Variants in IL23R observed in about 807,000 individuals in gnomAD.
IL23R encodes the protein interleukin-23 receptor.
In IL23R, 34 loss-of-function variants were observed where a neutral mutation model predicts 56.9. The ratio of observed to expected loss-of-function variants is 0.60; its 90% CI spans 0.45 to 0.80. The LOEUF (loss-of-function observed/expected upper bound fraction) is 0.80, where lower values mean the gene tolerates loss of function less well. Among genes scored for constraint, IL23R ranks in the 30% least tolerant of loss-of-function variants. The pLI is 0.00. For synonymous variants in IL23R, 230 were observed against 249.2 expected, an observed-to-expected ratio of 0.92 and a Z score of 0.73; for missense variants, 635 against 730.0, an observed-to-expected ratio of 0.87 and a Z score of 1.50.
intron 7 of IL23R, among the ~76,000 whole-genome samples, chr1:67,229,944 A>C (rs1262905929): frequency 6.6e-6 from 1 of 152,210 alleles, no homozygotes; most frequent in Non-Finnish European, 1.5e-5. Flanking sequence ...AAGCAGAAAG[A>C]GAATTATTAG....
chr1:67,206,098 T>C (rs1283587345), intron 5 of IL23R, among the ~76,000 whole-genome samples: 1 of 151,772 alleles, frequency 6.6e-6, no homozygotes, highest in Non-Finnish European at 1.5e-5. Flanking sequence ...CTGTAACCTC[T>C]GCCTCCCGGG....
At chr1:67,146,906 C>G (rs1646684495) in intron 1 of IL23R, among the ~76,000 whole-genome samples, 1 of 152,172 alleles carries the variant, frequency 6.6e-6, no homozygotes, top group African/African-American at 2.4e-5. Flanking sequence ...GGTTGGACTG[C>G]TGGTTATAGA....
chr1:67,176,201 G>A (rs1206022326), intron 3 of IL23R, among the ~76,000 whole-genome samples: 1 of 152,086 alleles, frequency 6.6e-6, no homozygotes, highest in African/African-American at 2.4e-5. Context: ...AAGAATAATA[G>A]GCTCTTTAAA....
At chr1:67,158,823 G>C (rs1646792402) in intron 1 of IL23R, among the ~76,000 whole-genome samples, 1 of 151,648 alleles carries the variant, frequency 6.6e-6, no homozygotes, top group Non-Finnish European at 1.5e-5. Context: ...TTGGATCATG[G>C]GGGCAGATTT....
intron 5 of IL23R, among the ~76,000 whole-genome samples, chr1:67,201,462 T>G (rs1362338989): frequency 2.0e-5 from 3 of 151,580 alleles, no homozygotes; most frequent in Non-Finnish European, 4.4e-5. Context: ...ATTGGAAACT[T>G]CTTATTTTCA....
intron 6 of IL23R, among the ~76,000 whole-genome samples, chr1:67,213,062 T>A (rs970831353): frequency 2.6e-5 from 4 of 151,842 alleles, no homozygotes; most frequent in Admixed American, 1.3e-4. Context: ...TTAGTAGAGA[T>A]GGGGTTTCAC....
At chr1:67,223,772 G>A (rs188949414) in intron 7 of IL23R, among the ~76,000 whole-genome samples, 154 of 151,984 alleles carry the variant, frequency 1.0e-3, no homozygotes, top group Non-Finnish European at 1.5e-3. Flanking sequence ...CGGCATTCTC[G>A]TTTATGTATG....
intron 5 of IL23R, among the ~76,000 whole-genome samples, chr1:67,204,302 A>G (rs1286359310): frequency 6.6e-6 from 1 of 152,192 alleles, no homozygotes; most frequent in African/African-American, 2.4e-5. Context: ...TGACCTCATG[A>G]TCGGCCCGCC....
At chr1:67,186,869 C>A (rs1446519630) in intron 4 of IL23R, among the ~76,000 whole-genome samples, 2 of 152,136 alleles carry the variant, frequency 1.3e-5, no homozygotes, top group African/African-American at 2.4e-5. Flanking sequence ...AACCCTCCTG[C>A]CTTGGCCTCC....
upstream of IL23R, among the ~76,000 whole-genome samples, chr1:67,165,228 C>A (rs1287962516): frequency 6.6e-6 from 1 of 151,986 alleles, no homozygotes; most frequent in Non-Finnish European, 1.5e-5. Flanking sequence ...ACAAAAACAA[C>A]AACCAAAACC....
chr1:67,149,228 G>T (rs1344471533), intron 1 of IL23R, among the ~76,000 whole-genome samples: 1 of 152,180 alleles, frequency 6.6e-6, no homozygotes, highest in South Asian at 2.1e-4. Flanking sequence ...TGTACTTGGA[G>T]GGGGAGCATT....
intron 10 of IL23R, among the ~76,000 whole-genome samples, chr1:67,256,591 C>T (rs1652965933): frequency 6.6e-6 from 1 of 152,170 alleles, no homozygotes; most frequent in East Asian, 1.9e-4. Context: ...GGGACAAACA[C>T]ATCATCCAAG....
At chr1:67,183,098 C>A in intron 4 of IL23R, 139 bp downstream of exon 4, 1 of 1,000,688 alleles carries the variant, frequency 1.0e-6, no homozygotes, top group Non-Finnish European at 1.5e-6. Flanking sequence ...TACTTATGAT[C>A]AGTGAAACTA....
rs1384135313 is a variant in IL23R at position 67,169,375 on chromosome 1, G to A, written c.104G>A (p.Trp35Ter). Residue 35 changes from tryptophan to a stop codon, truncating the protein, a stop_gained, in exon 3 of 11, where the codon TGG becomes TAG. Coordinates refer to ENST00000347310, the MANE Select transcript of IL23R (RefSeq NM_144701.3). LOFTEE classifies it high-confidence loss of function. ...ITNINCSGHI[W>*]VEPATIFKMG... ...AATATAAACTGCTCTGGCCACATCT[G>A]GGTAGAACCAGCCACAATTTTTAAG... 31 of 1,612,688 alleles carry A rather than the reference G, an allele frequency of 1.9e-5. No homozygotes were observed. The highest frequency in any genetic ancestry group is 2.5e-5 in the Non-Finnish European group (30 of 1,179,144).
chr1:67,204,072 T>C (rs911971787), intron 5 of IL23R, among the ~76,000 whole-genome samples: 1 of 152,258 alleles, frequency 6.6e-6, no homozygotes, highest in African/African-American at 2.4e-5. Context: ...TACTTTTTTT[T>C]TCTTTTTTTG....
chr1:67,244,490 T>C (rs536978148), intron 9 of IL23R, among the ~76,000 whole-genome samples: 16 of 152,292 alleles, frequency 1.1e-4, no homozygotes, highest in Admixed American at 4.6e-4. Flanking sequence ...AATTTTTGTA[T>C]AAGGTGCAAG....
At chr1:67,239,883 A>G (rs1454062478) in intron 8 of IL23R, among the ~76,000 whole-genome samples, 1 of 152,162 alleles carries the variant, frequency 6.6e-6, no homozygotes, top group Non-Finnish European at 1.5e-5. Context: ...CACCACTAAG[A>G]ATTTATACGA....
At chr1:67,144,128 C>T (rs1422447191) in intron 1 of IL23R, among the ~76,000 whole-genome samples, 1 of 152,172 alleles carries the variant, frequency 6.6e-6, no homozygotes, top group African/African-American at 2.4e-5. Flanking sequence ...GGTGAAGCTA[C>T]TGTTACTATA....
At chr1:67,178,889 CA>C (rs1647049668) in intron 3 of IL23R, among the ~76,000 whole-genome samples, 2 of 152,178 alleles carry the variant, frequency 1.3e-5, no homozygotes, top group African/African-American at 4.8e-5. Context: ...TGGTTTTTGT[CA>C]TTGGTTCTGT....
Sources: gnomAD v4.1 joint callset for allele counts (sites outside exome capture counted in the v4.1 genomes callset) on GRCh38, gnomAD v4.1.1 for gene constraint, MANE v1.5 for transcripts, NCBI Gene and HGNC (gene_info 2026-07-23, HGNC 2026-07-21) for gene names.